Variants in MAF observed in about 807,000 individuals in gnomAD.
MAF encodes MAF bZIP transcription factor.
A neutral mutation model predicts 22.0 loss-of-function variants in MAF; 10 were observed. The ratio of observed to expected loss-of-function variants is 0.45; its 90% CI spans 0.28 to 0.77. The LOEUF is 0.77. Ranked by LOEUF, MAF falls within the 30% of genes least tolerant of loss-of-function variation. The pLI is 0.12. For synonymous variants in MAF, 337 were observed against 255.8 expected (o/e 1.32, Z -3.03); for missense variants, 544 against 548.4 (o/e 0.99, Z 0.08).
the MAF span, among the ~76,000 whole-genome samples, chr16:79,312,616 C>G: frequency 6.6e-6 from 1 of 152,208 alleles, no homozygotes; most frequent in Non-Finnish European, 1.5e-5. Flanking sequence ...GGCCTGCGCC[C>G]AATACCTAGG....
At chr16:79,476,820 T>C in the MAF span, among the ~76,000 whole-genome samples, 4 of 152,224 alleles carry the variant, frequency 2.6e-5, no homozygotes, top group African/African-American at 9.7e-5. Context: ...CAATGAAGCC[T>C]GTCATCTCTG....
At chr16:79,321,930 C>T in the MAF span, among the ~76,000 whole-genome samples, 90,240 of 151,808 alleles carry the variant, frequency 0.59, 29,422 homozygotes, top group South Asian at 0.73. Context: ...CTTGAACATC[C>T]TGTTAAAAAA....
chr16:79,595,401 T>C, intron 1 of MAF: 2 of 1,053,316 alleles, frequency 1.9e-6, no homozygotes, highest in Non-Finnish European at 2.3e-6. Context: ...TCAGTCAGAG[T>C]TGCAATATTA....
At chr16:79,391,938 G>A in the MAF span, among the ~76,000 whole-genome samples, 2 of 147,842 alleles carry the variant, frequency 1.4e-5, no homozygotes, top group African/African-American at 2.5e-5. Context: ...GGAGGAGGGG[G>A]AAGAGGAGAA....
the MAF span, among the ~76,000 whole-genome samples, chr16:79,306,804 C>G: frequency 5.3e-5 from 8 of 152,292 alleles, no homozygotes; most frequent in Admixed American, 2.6e-4. Context: ...GGCAGTCTCT[C>G]TGTGTGACCT....
chr16:79,469,679 C>A, the MAF span, among the ~76,000 whole-genome samples: 497 of 152,252 alleles, frequency 3.3e-3, 1 homozygote, highest in Middle Eastern at 0.01. Context: ...TCACTGCAAC[C>A]TCTACCTCCC....
the MAF span, among the ~76,000 whole-genome samples, chr16:79,276,857 G>T: frequency 6.6e-6 from 1 of 152,082 alleles, no homozygotes; most frequent in Middle Eastern, 3.2e-3. Context: ...GTGTCGGCAG[G>T]GCTGCGCTTC....
the MAF span, among the ~76,000 whole-genome samples, chr16:79,519,174 C>T: frequency 2.0e-5 from 3 of 152,132 alleles, no homozygotes; most frequent in East Asian, 1.9e-4. Flanking sequence ...ACATGGAGAA[C>T]CACAGAGGTT....
the MAF span, among the ~76,000 whole-genome samples, chr16:79,443,720 G>C: frequency 3.2e-3 from 482 of 152,262 alleles, 3 homozygotes; most frequent in Non-Finnish European, 1.7e-3. Flanking sequence ...CTTGTTCTTG[G>C]TCACAAGTGA....
At chr16:79,436,504 G>T in the MAF span, among the ~76,000 whole-genome samples, 1 of 152,200 alleles carries the variant, frequency 6.6e-6, no homozygotes, top group African/African-American at 2.4e-5. Flanking sequence ...GGGAACTGGG[G>T]TGCCAATTAC....
chr16:79,468,818 C>A, the MAF span, among the ~76,000 whole-genome samples: 1 of 152,188 alleles, frequency 6.6e-6, no homozygotes, highest in Non-Finnish European at 1.5e-5. Flanking sequence ...CATTATAAAT[C>A]ACCCGGGCTA....
rs1314853403 is a variant in MAF, at chr16:79,594,494, T to G, written c.1178A>C (p.Gln393Pro). 6.4e-7 allele frequency: 1 copy of G among 1,566,874 alleles called. No homozygotes were observed. Among genetic ancestry groups the G allele is most frequent in the East Asian group, 2.3e-5 (1 of 42,968 alleles). Residue 393 changes from glutamine (Q) to proline (P), a missense_variant, in exon 2 of 2, where the codon CAG becomes CCG. By Grantham distance (76) the Gln-to-Pro change is moderately conservative (BLOSUM62 -1). Coordinates refer to ENST00000326043, the MANE Select transcript of MAF (RefSeq NM_005360.5). Reference sequence around the variant, plus strand: ...GAACACACTGGTAAGTACACGATGCTGGGGCTTCCAAAATGTGGCGTATCC... The same window carrying G: ...GAACACACTGGTAAGTACACGATGCGGGGGCTTCCAAAATGTGGCGTATCC... ...SVGYATFWKP[Q>P]HRVLTSVFTK
the MAF span, among the ~76,000 whole-genome samples, chr16:79,409,923 C>G: frequency 8.9e-4 from 135 of 152,336 alleles, 3 homozygotes; most frequent in African/African-American, 3.1e-3. Context: ...TTGTCAATAA[C>G]TTAAAATTGT....
chr16:79,333,634 G>T, the MAF span, among the ~76,000 whole-genome samples: 2 of 152,152 alleles, frequency 1.3e-5, no homozygotes, highest in African/African-American at 4.8e-5. Flanking sequence ...ATCTTTATGC[G>T]TAATGATGAG....
At chr16:79,270,381 G>A in the MAF span, among the ~76,000 whole-genome samples, 970 of 152,142 alleles carry the variant, frequency 6.4e-3, 12 homozygotes, top group African/African-American at 0.022. Context: ...TGTGGCCAAG[G>A]GCAGAGGAGC....
At chr16:79,530,761 G>A in the MAF span, among the ~76,000 whole-genome samples, 4 of 152,106 alleles carry the variant, frequency 2.6e-5, no homozygotes, top group African/African-American at 9.7e-5. Flanking sequence ...ATCAATTGTG[G>A]TTTATTGTAT....
In MAF at chr16:79,599,926, C is replaced by A. The variant is rs1555530137; in HGVS notation, c.-24G>T. ...ATTCTCCTGCCGCCGCCGCCGCCGC[C>A]GCCGCCGCTCCGCCAGATGGGCTGC... On this transcript the variant is annotated 5_prime_UTR_variant, in exon 1 of 2. Coordinates refer to ENST00000326043, the MANE Select transcript of MAF (RefSeq NM_005360.5). The A allele has an allele frequency of 6.3e-6, 10 of 1,592,204 alleles. No individual in the cohort carries two copies. The Admixed American group carries it at 1.5e-4, about 24-fold the overall frequency.
the MAF span, among the ~76,000 whole-genome samples, chr16:79,515,359 A>C: frequency 6.6e-6 from 1 of 152,246 alleles, no homozygotes; most frequent in African/African-American, 2.4e-5. Flanking sequence ...AAAGTGACAC[A>C]CATTCAGTAG....
At chr16:79,426,520 G>A in the MAF span, among the ~76,000 whole-genome samples, 2 of 151,996 alleles carry the variant, frequency 1.3e-5, no homozygotes, top group African/African-American at 4.8e-5. Flanking sequence ...ATTTTCCTTA[G>A]GATCCAGCCC....
Sources: allele counts gnomAD v4.1 joint callset (sites outside exome capture counted in the v4.1 genomes callset), GRCh38; gene constraint gnomAD v4.1.1; transcripts MANE v1.5; gene names NCBI Gene and HGNC (gene_info 2026-07-23, HGNC 2026-07-21).